FGGY: variants seen among roughly 807,000 people sequenced by gnomAD.
FGGY encodes FGGY carbohydrate kinase domain-containing protein.
FGGY carries 72 observed loss-of-function variants against 71.3 expected under a neutral mutation model. The observed-to-expected ratio is 1.01, with a 90% CI of 0.84 to 1.23. FGGY has a LOEUF of 1.23. Ranked by LOEUF, FGGY falls within the 50% of genes most tolerant of loss-of-function variation. The probability of loss-of-function intolerance (pLI) is 0.00; values close to 1 mark genes in which losing one functional copy is unlikely to be tolerated. For synonymous variants in FGGY, 251 were observed against 250.3 expected (o/e 1.00, Z -0.02); for missense variants, 668 against 682.3 (o/e 0.98, Z 0.23).
intron 14 of FGGY, among the ~76,000 whole-genome samples, chr1:59,704,365 G>A (rs1025323351): frequency 6.6e-6 from 1 of 151,994 alleles, no homozygotes; most frequent in East Asian, 1.9e-4. Context: ...GTAAAAGCAC[G>A]AACAATGTAG....
At position 59,473,039 on chromosome 1, in the gene FGGY, G is replaced by A. The variant is rs551630696; in HGVS notation, c.670+15963G>A. Among the ~76,000 whole-genome samples the A allele has an allele frequency of 5.9e-5, 9 of 152,304 alleles. No individual in the cohort carries two copies. The East Asian group carries it at 1.5e-3, about 26-fold the overall frequency. The stretch of plus-strand genomic sequence containing the variant: ...AATCAGCAGGTTGTGGGTGGGGCCA[G>A]ATAAGAGAATAAAAGTAGGCTGCCC... On this transcript the variant is annotated intron_variant, in intron 6 of 15. Transcript: ENST00000303721.
chr1:59,379,700 A>C (rs184573089), intron 5 of FGGY, among the ~76,000 whole-genome samples: 4 of 152,278 alleles, frequency 2.6e-5, no homozygotes, highest in Non-Finnish European at 4.4e-5. Flanking sequence ...TAAACTTTTA[A>C]ACTTTTTGAC....
intron 7 of FGGY, among the ~76,000 whole-genome samples, chr1:59,521,999 C>T (rs999289737): frequency 3.3e-5 from 5 of 152,184 alleles, no homozygotes; most frequent in Middle Eastern, 3.2e-3. Context: ...ACCTGCTATT[C>T]GAGTTCCTTC....
chr1:59,734,776 G>A (rs2098085645), intron 14 of FGGY, among the ~76,000 whole-genome samples: 1 of 152,224 alleles, frequency 6.6e-6, no homozygotes, highest in Admixed American at 6.5e-5. Flanking sequence ...CCCACAGAGA[G>A]AGGAAGGCCT....
chr1:59,641,546 T>C (rs960180065), intron 11 of FGGY, among the ~76,000 whole-genome samples: 4 of 152,276 alleles, frequency 2.6e-5, no homozygotes, highest in South Asian at 2.1e-4. Context: ...TTTTACAGTG[T>C]GATCTCTGTA....
intron 12 of FGGY, among the ~76,000 whole-genome samples, chr1:59,665,040 T>C (rs1382085187): frequency 2.0e-5 from 3 of 152,242 alleles, no homozygotes; most frequent in Admixed American, 6.5e-5. Context: ...AAACTCATGC[T>C]CTTAGCTACT....
intron 11 of FGGY, among the ~76,000 whole-genome samples, chr1:59,657,379 C>T (rs2097229480): frequency 6.6e-6 from 1 of 152,142 alleles, no homozygotes; most frequent in African/African-American, 2.4e-5. Context: ...TAGAACAGTG[C>T]ACTAAGCCAT....
rs144619025 is a variant in FGGY at position 59,471,907 on chromosome 1, C to T, written c.670+14831C>T. Among the ~76,000 whole-genome samples, 187 of 152,366 alleles carry T rather than the reference C, an allele frequency of 1.2e-3. 5 individuals carry two copies. The East Asian group carries it at 0.03, about 25-fold the overall frequency. On this transcript the variant is annotated intron_variant, in intron 6 of 15. Transcript: ENST00000303721. ...GGTGGTGGTATCAAGGAAATTTTCT[C>T]ATGAGGTGGCATTTTATGTGTCTGG...
intron 7 of FGGY, among the ~76,000 whole-genome samples, chr1:59,536,955 C>G (rs1027567238): frequency 2.6e-5 from 4 of 152,000 alleles, no homozygotes; most frequent in African/African-American, 9.7e-5. Flanking sequence ...GATGCCCTCT[C>G]TCACCACTCC....
intron 7 of FGGY, among the ~76,000 whole-genome samples, chr1:59,541,601 G>A (rs957263313): frequency 3.3e-5 from 5 of 152,118 alleles, no homozygotes; most frequent in African/African-American, 1.2e-4. Context: ...ACTTCAAAAT[G>A]GTAGATTGAA....
At chr1:59,691,506 T>C (rs12732614) in intron 14 of FGGY, among the ~76,000 whole-genome samples, 84,487 of 151,978 alleles carry the variant, frequency 0.56, 25,229 homozygotes, top group Non-Finnish European at 0.68. Context: ...CCAGCCACTC[T>C]TGGAGATTGA....
At chr1:59,298,539 T>A (rs532108165) in intron 1 of FGGY, among the ~76,000 whole-genome samples, 2 of 152,222 alleles carry the variant, frequency 1.3e-5, no homozygotes, top group African/African-American at 4.8e-5. Context: ...TTAGTTTTTG[T>A]TGTGGGCCTT....
chr1:59,571,730 A>C (rs1305631789), intron 8 of FGGY, among the ~76,000 whole-genome samples: 1 of 152,230 alleles, frequency 6.6e-6, no homozygotes, highest in Non-Finnish European at 1.5e-5. Context: ...TGAATAACTA[A>C]GTTGTATTAT....
chr1:59,464,305 C>G (rs2092461926), intron 6 of FGGY, among the ~76,000 whole-genome samples: 1 of 152,174 alleles, frequency 6.6e-6, no homozygotes, highest in South Asian at 2.1e-4. Context: ...TAACGATGTT[C>G]TTTGAAACCA....
intron 7 of FGGY, among the ~76,000 whole-genome samples, chr1:59,553,507 T>C (rs1208981871): frequency 6.6e-6 from 1 of 152,230 alleles, no homozygotes; most frequent in African/African-American, 2.4e-5. Flanking sequence ...TGGCATTCTG[T>C]TACTAGGAAC....
intron 2 of FGGY, among the ~76,000 whole-genome samples, chr1:59,338,046 T>C (rs1167776224): frequency 6.6e-6 from 1 of 152,166 alleles, no homozygotes; most frequent in Non-Finnish European, 1.5e-5. Flanking sequence ...GTTTATTGAA[T>C]GTTATATTTG....
At chr1:59,362,127 G>A (rs2055675805) in intron 4 of FGGY, among the ~76,000 whole-genome samples, 2 of 152,078 alleles carry the variant, frequency 1.3e-5, no homozygotes, top group South Asian at 4.1e-4. Context: ...TGTTTAAGCT[G>A]TTCTTTTTCT....
chr1:59,706,132 C>A (rs1331514584), intron 14 of FGGY, among the ~76,000 whole-genome samples: 1 of 152,206 alleles, frequency 6.6e-6, no homozygotes, highest in Non-Finnish European at 1.5e-5. Flanking sequence ...ATCGTAAACT[C>A]ACTGAGCCTC....
At chr1:59,324,117 G>A (rs1237387877) in intron 2 of FGGY, among the ~76,000 whole-genome samples, 1 of 152,116 alleles carries the variant, frequency 6.6e-6, no homozygotes, top group Non-Finnish European at 1.5e-5. Flanking sequence ...CATTGCCTGA[G>A]ATGACTTTCC....
Sources: gnomAD v4.1 joint callset for allele counts (sites outside exome capture counted in the v4.1 genomes callset) on GRCh38, gnomAD v4.1.1 for gene constraint, MANE v1.5 for transcripts, NCBI Gene and HGNC (gene_info 2026-07-23, HGNC 2026-07-21) for gene names.